Variants in RHOJ observed in about 807,000 individuals in gnomAD.
RHOJ encodes rho-related GTP-binding protein RhoJ.
Under a neutral mutation model 23.4 loss-of-function variants are expected in RHOJ, and 11 were observed. The ratio of observed to expected loss-of-function variants is 0.47; its 90% CI spans 0.30 to 0.78. RHOJ has a LOEUF of 0.78. Among genes scored for constraint, RHOJ ranks in the 30% least tolerant of loss-of-function variants. The pLI is 0.08. For synonymous variants in RHOJ, 102 were observed against 102.7 expected (o/e 0.99, Z 0.04); for missense variants, 254 against 273.4 (o/e 0.93, Z 0.50).
At chr14:63,243,397 T>G (rs1894919165) in intron 1 of RHOJ, among the ~76,000 whole-genome samples, 1 of 152,200 alleles carries the variant, frequency 6.6e-6, no homozygotes, top group South Asian at 2.1e-4. Context: ...TGGAGTACAG[T>G]GGCGTGATCT....
intron 1 of RHOJ, among the ~76,000 whole-genome samples, chr14:63,245,513 G>T (rs930847596): frequency 6.6e-6 from 1 of 152,056 alleles, no homozygotes; most frequent in Non-Finnish European, 1.5e-5. Context: ...AAATTAGCCA[G>T]ACATGGTGAT....
intron 4 of RHOJ, chr14:63,284,386 C>A: frequency 1.0e-6 from 1 of 978,148 alleles, no homozygotes; most frequent in Non-Finnish European, 1.2e-6. Context: ...TCCTTAGGAT[C>A]CTAAGTACTT....
chr14:63,211,260 C>T (rs1482185181), intron 1 of RHOJ, among the ~76,000 whole-genome samples: 3 of 152,094 alleles, frequency 2.0e-5, no homozygotes, highest in East Asian at 1.9e-4. Flanking sequence ...AAGGTTGTGA[C>T]ATAGTTCTGC....
In RHOJ at chr14:63,230,423, G is replaced by A. The variant is rs1594757393; in HGVS notation, c.178+25376G>A. Among the ~76,000 whole-genome samples, 3 of 151,688 alleles carry A rather than the reference G, an allele frequency of 2.0e-5. No individual in the cohort carries two copies. The East Asian group carries it at 5.8e-4, about 29-fold the overall frequency. Reference sequence around the variant, plus strand: ...CTTTCTTATTATATGGTATTATTTGGCGTGTCTATTCTCTATTTCCCTTTG... The same window carrying A: ...CTTTCTTATTATATGGTATTATTTGACGTGTCTATTCTCTATTTCCCTTTG... On this transcript the variant is annotated intron_variant, in intron 1 of 4. Transcript: ENST00000316754.
chr14:63,238,015 T>G (rs1894819768), intron 1 of RHOJ, among the ~76,000 whole-genome samples: 1 of 152,206 alleles, frequency 6.6e-6, no homozygotes, highest in African/African-American at 2.4e-5. Flanking sequence ...TTCACCACAC[T>G]CTAGATTCAC....
chr14:63,205,189 A>G, intron 1 of RHOJ, 142 bp downstream of exon 1: 3 of 798,308 alleles, frequency 3.8e-6, no homozygotes, highest in Middle Eastern at 3.1e-4. Flanking sequence ...GTAGCATACA[A>G]CCCAGGACTT....
At chr14:63,205,218 T>C (rs1324490210) in intron 1 of RHOJ, among the ~76,000 whole-genome samples, 171 bp downstream of exon 1, 4 of 152,218 alleles carry the variant, frequency 2.6e-5, no homozygotes, top group Non-Finnish European at 5.9e-5. Flanking sequence ...GTAGAACAAT[T>C]TGTGCATCAA....
intron 1 of RHOJ, among the ~76,000 whole-genome samples, chr14:63,244,452 C>T (rs1894940583): frequency 6.6e-6 from 1 of 151,750 alleles, no homozygotes; most frequent in South Asian, 2.1e-4. Flanking sequence ...TGGCACATAC[C>T]TGTAATCCCA....
intron 2 of RHOJ, among the ~76,000 whole-genome samples, chr14:63,274,268 T>C (rs1225638727): frequency 2.0e-5 from 3 of 152,158 alleles, no homozygotes; most frequent in African/African-American, 7.2e-5. Flanking sequence ...AGAACAAATG[T>C]TTTCCCTCAA....
intron 1 of RHOJ, among the ~76,000 whole-genome samples, chr14:63,243,346 G>T (rs1198475163): frequency 6.6e-6 from 1 of 151,822 alleles, no homozygotes; most frequent in African/African-American, 2.4e-5. Flanking sequence ...TTTCTTTTTT[G>T]TTGTTGTTGT....
chr14:63,230,612 A>G (rs1442960038), intron 1 of RHOJ, among the ~76,000 whole-genome samples: 2 of 152,022 alleles, frequency 1.3e-5, no homozygotes, highest in Non-Finnish European at 2.9e-5. Flanking sequence ...CATGCTGTAT[A>G]AAAACGAGCT....
In RHOJ at chr14:63,286,912, C is replaced by T. The variant is rs59606601; in HGVS notation, c.498+3696C>T. 3.1e-3 allele frequency among the ~76,000 whole-genome samples: 465 copies of T among 152,296 alleles called. 11 individuals are homozygous for T. The East Asian group carries it at 0.047, about 15-fold the overall frequency. On this transcript the variant is annotated intron_variant, in intron 4 of 4. Transcript: ENST00000316754. Reference sequence around the variant, plus strand: ...TCATAATGCTGACTTGTTGAGATGGCGGCTTTTCTCTTACAACCTGTTTGG... The same window carrying T: ...TCATAATGCTGACTTGTTGAGATGGTGGCTTTTCTCTTACAACCTGTTTGG...
intron 4 of RHOJ, chr14:63,288,341 G>A (rs1882148583): frequency 3.0e-6 from 3 of 985,378 alleles, no homozygotes; most frequent in African/African-American, 1.7e-5. Flanking sequence ...CAGCCCAGCT[G>A]TCCTGGAATT....
chr14:63,243,863 G>C (rs1293546610), intron 1 of RHOJ, among the ~76,000 whole-genome samples: 4 of 152,032 alleles, frequency 2.6e-5, no homozygotes, highest in Admixed American at 6.6e-5. Flanking sequence ...GGCTATGAGA[G>C]GTCATACACT....
chr14:63,259,351 ATCTT>A (rs2139647683), intron 1 of RHOJ, among the ~76,000 whole-genome samples: 1 of 152,348 alleles, frequency 6.6e-6, no homozygotes, highest in African/African-American at 2.4e-5. Context: ...TGCACAAGGC[ATCTT>A]TCTATCTTTC....
At chr14:63,259,887 C>T (rs554539865) in intron 1 of RHOJ, among the ~76,000 whole-genome samples, 1 of 152,140 alleles carries the variant, frequency 6.6e-6, no homozygotes, top group East Asian at 1.9e-4. Context: ...AGGGAAAAAC[C>T]ACAAATACAT....
rs536165429 is a variant in RHOJ at position 63,268,263 on chromosome 14, T to C, written c.179-847T>C. ...TGCTCTTTCCTTTCACGAAAAGAAT[T>C]CTATTACTCCTGCATTCAATCTGTT... On this transcript the variant is annotated intron_variant, in intron 1 of 4. Coordinates refer to ENST00000316754, the MANE Select transcript of RHOJ (RefSeq NM_020663.5). Among the ~76,000 whole-genome samples, 8 of 152,336 alleles carry C rather than the reference T, an allele frequency of 5.3e-5. No homozygotes were observed. The East Asian group carries it at 1.5e-3, about 29-fold the overall frequency.
intron 4 of RHOJ, among the ~76,000 whole-genome samples, 193 bp downstream of exon 4, chr14:63,283,409 A>G (rs1881976102): frequency 2.0e-5 from 3 of 152,238 alleles, no homozygotes; most frequent in African/African-American, 7.2e-5. Flanking sequence ...CTTGTCAGCC[A>G]GCATTGTCTG....
rs1300340566 is a variant in RHOJ, at chr14:63,291,294, C to G, written c.*270C>G. ...GTGCCGCTGCTGATCGCATCAAAAA[C>G]AAAGTCAAAGGCCATCTCACATTTT... On this transcript the variant is annotated 3_prime_UTR_variant, in exon 5 of 5. Transcript: ENST00000316754. The G allele has an allele frequency of 4.3e-6, 2 of 462,270 alleles. No homozygotes were observed. The highest frequency in any genetic ancestry group is 4.0e-5 in the African/African-American group (2 of 50,492). The allele number at this position is 462,270 out of a possible 1,614,324, so 28.6% of individuals were successfully genotyped here.
Sources: gnomAD v4.1 joint callset for allele counts (sites outside exome capture counted in the v4.1 genomes callset) on GRCh38, gnomAD v4.1.1 for gene constraint, MANE v1.5 for transcripts, NCBI Gene and HGNC (gene_info 2026-07-23, HGNC 2026-07-21) for gene names.